The following GIMAP6 variants were observed in gnomAD, a reference collection of about 807,000 sequenced individuals.
GIMAP6 encodes GTPase IMAP family member 6.
In GIMAP6, 6 loss-of-function variants were observed where a neutral mutation model predicts 9.3. That is an observed-to-expected ratio of 0.65 (90% CI 0.35 to 1.27). The LOEUF is 1.27. Among genes scored for constraint, GIMAP6 ranks in the 50% most tolerant of loss-of-function variants. GIMAP6 has a pLI of 0.03. For synonymous variants in GIMAP6, 156 were observed against 151.1 expected, an observed-to-expected ratio of 1.03 and a Z score of -0.24; for missense variants, 333 against 359.5, an observed-to-expected ratio of 0.93 and a Z score of 0.60.
rs753036837 is a variant in GIMAP6 at position 150,632,286 on chromosome 7, C to T, written c.-118G>A. ...TGTATGAACACAAGGAGGACAAGGC[C>T]GATGTTTGCTTATATTTTCAGCAAA... On this transcript the variant is annotated 5_prime_UTR_variant, in exon 1 of 3. Coordinates refer to ENST00000328902, the MANE Select transcript of GIMAP6 (RefSeq NM_024711.6). The T allele has an allele frequency of 2.6e-5, 4 of 152,132 alleles. No homozygotes were observed. Among genetic ancestry groups the T allele is most frequent in the South Asian group, 2.1e-4 (1 of 4,824 alleles). 9.4% of individuals were successfully genotyped at this position (152,132 alleles called of 1,614,324 possible).
At position 150,626,830 on chromosome 7, in the gene GIMAP6, A is replaced by G. The variant is rs1425011272; in HGVS notation, c.*889T>C. ...AGGTTGAAAGTAGTCTGTGCCTTCTAGGAGCAGAAGGCAAATATCATGAGG... is the reference window on the plus strand; with the variant it reads ...AGGTTGAAAGTAGTCTGTGCCTTCTGGGAGCAGAAGGCAAATATCATGAGG... On this transcript the variant is annotated 3_prime_UTR_variant, in exon 3 of 3. Coordinates refer to ENST00000328902, the MANE Select transcript of GIMAP6 (RefSeq NM_024711.6). 2.0e-5 allele frequency: 3 copies of G among 152,234 alleles called. No homozygotes were observed. Among genetic ancestry groups the G allele is most frequent in the Admixed American group, 2.0e-4 (3 of 15,276 alleles). The allele number at this position is 152,234 out of a possible 1,614,324, so 9.4% of individuals were successfully genotyped here. A position where few individuals can be genotyped will look rare whatever the true frequency, so the allele number is the denominator to read the frequency against.
chr7:150,631,850 G>A (rs553012011), intron 1 of GIMAP6, among the ~76,000 whole-genome samples: 15 of 152,202 alleles, frequency 9.9e-5, no homozygotes, highest in African/African-American at 3.1e-4. Flanking sequence ...TTCTCCAGAC[G>A]TGTTGGTCAC....
At chr7:150,631,963 T>A (rs117080529) in intron 1 of GIMAP6, among the ~76,000 whole-genome samples, 3,837 of 151,298 alleles carry the variant, frequency 0.025, 61 homozygotes, top group Non-Finnish European at 0.038. Flanking sequence ...CACATGCAGG[T>A]GAACACACAA....
chr7:150,626,345 G>C lies in GIMAP6; in HGVS notation c.*1374C>G, dbSNP rs773485515. The C allele has an allele frequency of 3.3e-5, 5 of 152,248 alleles. No individual in the cohort carries two copies. The highest frequency in any genetic ancestry group is 1.3e-4 in the Admixed American group (2 of 15,280). 9.4% of individuals were successfully genotyped at this position (152,248 alleles called of 1,614,324 possible). A position where few individuals can be genotyped will look rare whatever the true frequency, so the allele number is the denominator to read the frequency against. ...TACGCAGCTTGAAGAAAGGAAAAGA[G>C]GAATATATTGGGGAGCAGTTTCCCC... On this transcript the variant is annotated 3_prime_UTR_variant, in exon 3 of 3. Coordinates refer to ENST00000328902, the MANE Select transcript of GIMAP6 (RefSeq NM_024711.6).
intron 1 of GIMAP6, among the ~76,000 whole-genome samples, chr7:150,631,691 A>G (rs142787893): frequency 0.016 from 2,413 of 152,184 alleles, 57 homozygotes; most frequent in African/African-American, 0.055. Flanking sequence ...CCGGAATGGC[A>G]CCTCCCATGT....
chr7:150,627,749 G>A lies in GIMAP6; in HGVS notation c.849C>T (p.His283=). 3 of 1,613,980 alleles carry A rather than the reference G, an allele frequency of 1.9e-6. No individual in the cohort carries two copies. The South Asian group carries it at 3.3e-5, about 18-fold the overall frequency. Residue 283 remains histidine, a synonymous_variant, in exon 3 of 3, where the codon CAC becomes CAT. Transcript: ENST00000328902. ...GGTCAGCCTTCCCCAGCAGGCATCT[G>A]TGGGCTTCCTCAGATTCCTTCTGGA... ...SQIQKESEEA[H]RCLLGKADL is the part of the protein sequence containing the mutation.
Position 150,626,852 on chromosome 7 carries a change from G to A in GIMAP6, c.*867C>T, listed in dbSNP as rs528532470. 4 of 152,376 alleles carry A rather than the reference G, an allele frequency of 2.6e-5. No homozygotes were observed. Among genetic ancestry groups the A allele is most frequent in the Admixed American group, 6.5e-5 (1 of 15,302 alleles). 9.4% of individuals were successfully genotyped at this position (152,376 alleles called of 1,614,324 possible). On this transcript the variant is annotated 3_prime_UTR_variant, in exon 3 of 3. Transcript: ENST00000328902. ...TCTAGGAGCAGAAGGCAAATATCAT[G>A]AGGGGCCATGAAACCCATGGAAAAA...
At position 150,628,291 on chromosome 7, in the gene GIMAP6, G is replaced by C. The variant is rs748577330; in HGVS notation, c.307C>G (p.Gln103Glu). ...GCGTCTGCCACCTCTGGCGAGACCT[G>C]GGGGGACAGAATGTTGGGTGTGTCA... ...VIDTPNILSP[Q>E]VSPEVADAIC... is the part of the protein sequence containing the mutation. The change falls in exon 3 of 3, where the codon CAG becomes GAG. Residue 103 changes from glutamine (Q) to glutamate (E), a missense_variant. By Grantham distance (29) the Gln-to-Glu change is conservative. Transcript: ENST00000328902. 10 of 1,613,964 alleles carry C rather than the reference G, an allele frequency of 6.2e-6. No homozygotes were observed. In the African/African-American group the frequency reaches 1.1e-4, roughly 17 times the overall value.
Position 150,628,437 on chromosome 7 carries a change from C to T in GIMAP6, c.161G>A (p.Ser54Asn). 1.2e-6 allele frequency: 2 copies of T among 1,614,222 alleles called. No individual in the cohort carries two copies. Among genetic ancestry groups the T allele is most frequent in the Non-Finnish European group, 1.7e-6 (2 of 1,180,038 alleles). Residue 54 changes from serine (S) to asparagine (N), a missense_variant, in exon 3 of 3, where the codon AGT becomes AAT. Physicochemically the swap from Ser to Asn is conservative, Grantham distance 46. Coordinates refer to ENST00000328902, the MANE Select transcript of GIMAP6 (RefSeq NM_024711.6). ...GCCGAGGATGCTGTTTCCTGTTGCA[C>T]TCTTCCCACTCCCTGTTTTCCCCAT... Reference protein sequence around the residue: ...ILMGKTGSGKSATGNSILGRD... With the variant: ...ILMGKTGSGKNATGNSILGRD...
chr7:150,631,119 G>A (rs1015364127), intron 1 of GIMAP6, among the ~76,000 whole-genome samples: 1 of 152,198 alleles, frequency 6.6e-6, no homozygotes, highest in African/African-American at 2.4e-5. Context: ...AGGGTCTGGG[G>A]TGTGGGGAAA....
At chr7:150,629,912 A>C in intron 2 of GIMAP6, 146 bp downstream of exon 2, 1 of 659,608 alleles carries the variant, frequency 1.5e-6, no homozygotes, top group Non-Finnish European at 2.6e-6. Context: ...GCCCTACCCC[A>C]AAGGCCTCTG....
chr7:150,630,443 T>C (rs573552129), intron 1 of GIMAP6, among the ~76,000 whole-genome samples: 1 of 151,882 alleles, frequency 6.6e-6, no homozygotes, highest in Non-Finnish European at 1.5e-5. Flanking sequence ...ATGGATGAAA[T>C]TTGGATAGAC....
chr7:150,628,802 G>C, intron 2 of GIMAP6: 1 of 1,349,944 alleles, frequency 7.4e-7, no homozygotes, highest in Non-Finnish European at 9.7e-7. Context: ...TGGGGAAGAA[G>C]GCAGGAAGGG....
At chr7:150,632,004 AACACACACACAACACTCACATACAC>A (rs1347455167) in intron 1 of GIMAP6, among the ~76,000 whole-genome samples, 140 bp downstream of exon 1, 1 of 151,750 alleles carries the variant, frequency 6.6e-6, no homozygotes, top group Non-Finnish European at 1.5e-5. Flanking sequence ...ATACATACAC[AACACACACACAACACTCACATACAC>A]ACACAACACA....
intron 1 of GIMAP6, among the ~76,000 whole-genome samples, chr7:150,630,617 G>A (rs1796375935): frequency 6.6e-6 from 1 of 152,208 alleles, no homozygotes; most frequent in South Asian, 2.1e-4. Flanking sequence ...GTAGGATGTT[G>A]TTGGGAGGGG....
chr7:150,627,321 C>A lies in GIMAP6; in HGVS notation c.*398G>T, dbSNP rs1377938757. ...CAACAGCTTGCATGGAGTTGCCGCA[C>A]CAAACGTGACTGCATGACTCCAATG... On this transcript the variant is annotated 3_prime_UTR_variant, in exon 3 of 3. Coordinates refer to ENST00000328902, the MANE Select transcript of GIMAP6 (RefSeq NM_024711.6). 4.1e-6 allele frequency: 1 copy of A among 246,222 alleles called. No homozygotes were observed. Among genetic ancestry groups the A allele is most frequent in the African/African-American group, 2.3e-5 (1 of 43,830 alleles). The allele number at this position is 246,222 out of a possible 1,614,324, so 15.3% of individuals were successfully genotyped here. A position where few individuals can be genotyped will look rare whatever the true frequency, so the allele number is the denominator to read the frequency against.
Position 150,627,961 on chromosome 7 carries a change from G to A in GIMAP6, c.637C>T (p.Arg213Ter), listed in dbSNP as rs1796323517. The A allele has an allele frequency of 3.1e-6, 5 of 1,614,224 alleles. No homozygotes were observed. The highest frequency in any genetic ancestry group is 2.5e-6 in the Non-Finnish European group (3 of 1,180,034). Residue 213 changes from arginine (R) to a stop codon, truncating the protein, a stop_gained, in exon 3 of 3, where the codon CGA becomes TGA. Coordinates refer to ENST00000328902, the MANE Select transcript of GIMAP6 (RefSeq NM_024711.6). LOFTEE classifies it low-confidence loss of function (END_TRUNC). ...AQGEEQEAQL[R>*]ELMEKVEAIM... ...GCTTCAACTTTCTCCATGAGCTCTC[G>A]CAGTTGGGCCTCCTGCTCCTCCCCC... is the stretch of plus-strand genomic sequence containing the variant.
intron 1 of GIMAP6, 22 bp from the exon 2 acceptor site, chr7:150,630,164 A>AAG: frequency 6.6e-7 from 1 of 1,506,804 alleles, no homozygotes; most frequent in African/African-American, 1.4e-5. Flanking sequence ...AAAAAAAAAA[A>AAG]AAAATCATAT....
chr7:150,628,659 A>G (rs1431735911), intron 2 of GIMAP6, 147 bp from the exon 3 acceptor site: 2 of 1,579,798 alleles, frequency 1.3e-6, no homozygotes, highest in Admixed American at 1.8e-5. Context: ...GCGCTGGGCC[A>G]CCATTCTGGG....
Sources: allele counts gnomAD v4.1 joint callset (sites outside exome capture counted in the v4.1 genomes callset), GRCh38; gene constraint gnomAD v4.1.1; transcripts MANE v1.5; gene names NCBI Gene and HGNC (gene_info 2026-07-23, HGNC 2026-07-21).